Variants in SPATA6L observed in about 807,000 individuals in gnomAD.
SPATA6L encodes the protein spermatogenesis associated 6 like.
A neutral mutation model predicts 49.2 loss-of-function variants in SPATA6L; 68 were observed. The observed-to-expected ratio is 1.38, with a 90% confidence interval of 1.14 to 1.69. The LOEUF (loss-of-function observed/expected upper bound fraction) is 1.69, where lower values mean the gene tolerates loss of function less well. Ranked by LOEUF, SPATA6L falls within the 40% of genes most tolerant of loss-of-function variation. SPATA6L has a pLI of 0.00. For synonymous variants in SPATA6L, 198 were observed against 165.7 expected (o/e 1.19, Z -1.50); for missense variants, 668 against 464.3 (o/e 1.44, Z -4.03).
intron 9 of SPATA6L, among the ~76,000 whole-genome samples, chr9:4,612,043 C>T (rs1564151365): frequency 6.6e-6 from 1 of 151,752 alleles, no homozygotes; most frequent in Non-Finnish European, 1.5e-5. Context: ...TAGGGTCTTG[C>T]TACCCAGGCT....
intron 9 of SPATA6L, among the ~76,000 whole-genome samples, chr9:4,613,985 T>C (rs1033470532): frequency 6.6e-6 from 1 of 152,244 alleles, no homozygotes; most frequent in African/African-American, 2.4e-5. Flanking sequence ...AAATTCTTTT[T>C]CATAGGTCTA....
intron 3 of SPATA6L, 112 bp downstream of exon 3, chr9:4,655,929 A>G (rs1181175509): frequency 2.4e-6 from 2 of 848,394 alleles, no homozygotes; most frequent in African/African-American, 3.5e-5. Context: ...GTCTTGAAAT[A>G]AATATTCATC....
chr9:4,646,604 G>A (rs557312535), intron 3 of SPATA6L: 622 of 780,224 alleles, frequency 8.0e-4, no homozygotes, highest in South Asian at 1.1e-3. Flanking sequence ...GTTTTAAACT[G>A]TCATAAAACC....
intron 6 of SPATA6L, 167 bp downstream of exon 6, chr9:4,625,160 A>G: frequency 7.8e-7 from 1 of 1,281,074 alleles, no homozygotes; most frequent in Non-Finnish European, 1.0e-6. Flanking sequence ...GGGTTTCCTG[A>G]CAACGATCTA....
chr9:4,630,656 T>C (rs1831328977), intron 4 of SPATA6L, among the ~76,000 whole-genome samples: 1 of 152,246 alleles, frequency 6.6e-6, no homozygotes, highest in Non-Finnish European at 1.5e-5. Flanking sequence ...CATTTTCATT[T>C]ATACCACTTA....
intron 9 of SPATA6L, among the ~76,000 whole-genome samples, chr9:4,609,839 A>G (rs1826236719): frequency 6.6e-6 from 1 of 151,958 alleles, no homozygotes; most frequent in South Asian, 2.1e-4. Context: ...TCAATTGGGA[A>G]AAGAAGAAGT....
rs11506289 is a variant in SPATA6L, at chr9:4,609,693, T to A, written c.996-4253A>T. Among the ~76,000 whole-genome samples, 1,210 of 150,498 alleles carry A rather than the reference T, an allele frequency of 8.0e-3. 8 individuals carry two copies. Among genetic ancestry groups the A allele is most frequent in the African/African-American group, 0.029 (1,141 of 40,032 alleles). ...GACAAACCCAAAGCCAATATCATAC[T>A]GAATGGGCAAAAACTGGAAGCATTC... On this transcript the variant is annotated intron_variant, in intron 9 of 11. Coordinates refer to ENST00000682582, the MANE Select transcript of SPATA6L (RefSeq NM_001353486.2).
At chr9:4,609,719 C>T (rs1460006895) in intron 9 of SPATA6L, among the ~76,000 whole-genome samples, 3 of 151,238 alleles carry the variant, frequency 2.0e-5, no homozygotes, top group African/African-American at 7.4e-5. Context: ...GGAAGCATTC[C>T]CTTTGAAAAC....
chr9:4,617,860 A>C, intron 9 of SPATA6L, 63 bp downstream of exon 9: 2 of 1,388,410 alleles, frequency 1.4e-6, no homozygotes, highest in Non-Finnish European at 1.9e-6. Context: ...GAAATGACCC[A>C]GCTTTACCCC....
Position 4,662,969 on chromosome 9 carries a change from CAT to C in SPATA6L, c.40-935_40-934del. 6.2e-7 allele frequency: 1 copy of C among 1,612,790 alleles called. No homozygotes were observed. The highest frequency in any genetic ancestry group is 8.5e-7 in the Non-Finnish European group (1 of 1,179,890). ...GCCGCCCGGCCCACAACCAGATGGA[CAT>C]GTTTGTCACTCTCTCGGTGGACAAG... On this transcript the variant is annotated intron_variant, in intron 1 of 11. Transcript: ENST00000682582. This position sits in a 1 kb window ranked among gnomAD's most constrained non-coding sequence, Gnocchi z 4.9.
chr9:4,651,342 T>C (rs1836805391), intron 3 of SPATA6L, among the ~76,000 whole-genome samples: 1 of 152,180 alleles, frequency 6.6e-6, no homozygotes, highest in Non-Finnish European at 1.5e-5. Flanking sequence ...AGACTTATAA[T>C]GTGTAGAGAG....
In SPATA6L at chr9:4,605,374, GGAT is replaced by G. The variant is rs1824508555; in HGVS notation, c.1059_1061del (p.Ser354del). ...TGTTTTGGTGCAGCTGTGCTCTGTG[GGAT>G]GTCAGAAGACTGCATACCCTCTCAT... On this transcript the variant is annotated inframe_deletion, in exon 10 of 12. Transcript: ENST00000682582. 6.2e-7 allele frequency: 1 copy of G among 1,613,900 alleles called. No homozygotes were observed. Among genetic ancestry groups the G allele is most frequent in the Non-Finnish European group, 8.5e-7 (1 of 1,179,926 alleles).
intron 9 of SPATA6L, among the ~76,000 whole-genome samples, chr9:4,616,425 C>G (rs981365874): frequency 6.6e-6 from 1 of 152,156 alleles, no homozygotes; most frequent in East Asian, 1.9e-4. Flanking sequence ...AAAATCAATC[C>G]TCTACAAGTC....
At chr9:4,604,375 T>C (rs908129109) in intron 10 of SPATA6L, 106 bp from the exon 11 acceptor site, 3 of 671,998 alleles carry the variant, frequency 4.5e-6, no homozygotes, top group African/African-American at 1.8e-5. Flanking sequence ...ATCCCATTTA[T>C]GCCGTTATAT....
intron 9 of SPATA6L, among the ~76,000 whole-genome samples, chr9:4,607,075 G>A (rs1008088042): frequency 5.9e-5 from 9 of 151,628 alleles, no homozygotes; most frequent in South Asian, 2.1e-4. Flanking sequence ...GAAATGAAGC[G>A]AGAAGGGAAG....
intron 2 of SPATA6L, among the ~76,000 whole-genome samples, chr9:4,658,073 C>T (rs1838721306): frequency 6.6e-6 from 1 of 152,162 alleles, no homozygotes; most frequent in South Asian, 2.1e-4. Flanking sequence ...AGGTCCTTCC[C>T]TAGTGCCTTT....
intron 2 of SPATA6L, among the ~76,000 whole-genome samples, chr9:4,661,022 G>T (rs1839565769): frequency 6.6e-6 from 1 of 152,088 alleles, no homozygotes; most frequent in South Asian, 2.1e-4. Context: ...CACACACAGG[G>T]GCCTGTCGTG....
chr9:4,592,414 TA>T (rs1353008637), intron 13 of SPATA6L, among the ~76,000 whole-genome samples: 1 of 152,182 alleles, frequency 6.6e-6, no homozygotes, highest in Non-Finnish European at 1.5e-5. Flanking sequence ...TCTTACCACT[TA>T]AATATGAACT....
intron 3 of SPATA6L, among the ~76,000 whole-genome samples, chr9:4,649,956 T>A (rs1220600804): frequency 1.3e-5 from 2 of 152,174 alleles, no homozygotes; most frequent in African/African-American, 4.8e-5. Context: ...CAGAGAGATG[T>A]TTCACCTTCC....
Sources: gnomAD v4.1 joint callset for allele counts (sites outside exome capture counted in the v4.1 genomes callset) on GRCh38, gnomAD v4.1.1 for gene constraint, Gnocchi (gnomAD v3.1) non-coding constraint, MANE v1.5 for transcripts, NCBI Gene and HGNC (gene_info 2026-07-23, HGNC 2026-07-21) for gene names.